COLEC11: variants seen among roughly 807,000 people sequenced by gnomAD.
COLEC11 encodes the protein collectin-11.
COLEC11 carries 20 observed loss-of-function variants against 27.3 expected under a neutral mutation model. The ratio of observed to expected loss-of-function variants is 0.73; its 90% confidence interval spans 0.51 to 1.06. The LOEUF is 1.06. COLEC11 is among the 50% of genes least tolerant of loss of function. COLEC11 has a pLI of 0.00. For synonymous variants in COLEC11, 163 were observed against 154.7 expected (o/e 1.05, Z -0.40); for missense variants, 310 against 383.0 (o/e 0.81, Z 1.59).
chr2:3,617,025 T>C (rs1663807614), intron 3 of COLEC11, among the ~76,000 whole-genome samples: 1 of 152,222 alleles, frequency 6.6e-6, no homozygotes, highest in South Asian at 2.1e-4. Flanking sequence ...AATGCTGCAG[T>C]CAGCATGAAA....
chr2:3,607,448 G>C (rs1459092774), intron 2 of COLEC11, among the ~76,000 whole-genome samples: 1 of 65,220 alleles, frequency 1.5e-5, no homozygotes, highest in Admixed American at 2.1e-4. Flanking sequence ...TTTTTTTTTT[G>C]CTTTTTTTTT....
intron 3 of COLEC11, among the ~76,000 whole-genome samples, chr2:3,636,168 G>A (rs1193146640): frequency 8.6e-5 from 13 of 151,594 alleles, no homozygotes; most frequent in South Asian, 6.3e-4. Context: ...AGTCCTTCCC[G>A]CCACCACCGC....
At chr2:3,598,637 C>T (rs774166262) in intron 1 of COLEC11, among the ~76,000 whole-genome samples, 2 of 151,722 alleles carry the variant, frequency 1.3e-5, no homozygotes, top group Admixed American at 6.5e-5. Flanking sequence ...GTTCTAATAT[C>T]CGCGTGAGCA....
chr2:3,609,678 C>T (rs13009810), intron 2 of COLEC11, among the ~76,000 whole-genome samples: 105,073 of 151,974 alleles, frequency 0.69, 36,855 homozygotes, highest in South Asian at 0.89. Context: ...TATAGGCACC[C>T]GCTACCACGC....
chr2:3,609,681 T>C (rs927781466), intron 2 of COLEC11, among the ~76,000 whole-genome samples: 4 of 152,084 alleles, frequency 2.6e-5, no homozygotes, highest in African/African-American at 9.7e-5. Context: ...AGGCACCCGC[T>C]ACCACGCCTG....
intron 1 of COLEC11, among the ~76,000 whole-genome samples, chr2:3,601,448 C>T (rs544357508): frequency 6.6e-5 from 10 of 152,238 alleles, no homozygotes; most frequent in Non-Finnish European, 8.8e-5. Context: ...ACTACAGGTG[C>T]GTGACACTAC....
chr2:3,625,179 C>G (rs1383387958), intron 3 of COLEC11, among the ~76,000 whole-genome samples: 9 of 152,252 alleles, frequency 5.9e-5, no homozygotes, highest in Admixed American at 5.9e-4. Flanking sequence ...CTCCCTCCCT[C>G]CTTTCTTCCT....
At chr2:3,598,128 G>T (rs938336480) in intron 1 of COLEC11, among the ~76,000 whole-genome samples, 1 of 152,034 alleles carries the variant, frequency 6.6e-6, no homozygotes, top group African/African-American at 2.4e-5. Context: ...TAGAGACAGG[G>T]TTTCACCATG....
At chr2:3,616,678 A>AG (rs1663767878) in intron 3 of COLEC11, among the ~76,000 whole-genome samples, 1 of 152,224 alleles carries the variant, frequency 6.6e-6, no homozygotes, top group Non-Finnish European at 1.5e-5. Flanking sequence ...AGAACCAGGC[A>AG]GGGAGGTTGC....
At chr2:3,617,260 CA>C (rs1444967649) in intron 3 of COLEC11, among the ~76,000 whole-genome samples, 2 of 151,988 alleles carry the variant, frequency 1.3e-5, no homozygotes, top group African/African-American at 4.8e-5. Flanking sequence ...TTACAGCCTG[CA>C]GGACACCTTG....
At chr2:3,623,286 C>T (rs776349336) in intron 3 of COLEC11, among the ~76,000 whole-genome samples, 13 of 152,106 alleles carry the variant, frequency 8.5e-5, no homozygotes, top group Non-Finnish European at 1.0e-4. Flanking sequence ...TGGGTTGAAC[C>T]TATTTGGAGA....
Position 3,628,544 on chromosome 2 carries a change from G to C in COLEC11, c.203-8989G>C, listed in dbSNP as rs558068272. On this transcript the variant is annotated intron_variant, in intron 3 of 6. Coordinates refer to ENST00000349077, the MANE Select transcript of COLEC11 (RefSeq NM_024027.5). The stretch of plus-strand genomic sequence containing the variant: ...CTGCACATGGGGACCTGGCTGCAGT[G>C]GGGGCTGCCCTGAACAGGCTGGCTG... Among the ~76,000 whole-genome samples the C allele has an allele frequency of 9.2e-5, 14 of 152,348 alleles. No individual in the cohort carries two copies. In the South Asian group the frequency reaches 2.1e-3, roughly 23 times the overall value.
In COLEC11 at chr2:3,644,148, C is replaced by T; in HGVS notation, c.*30C>T. ...CAGGCTGGGGCTGCCCATTGGGGGC[C>T]CCACATGTCCCTGCAGGGTTGGCAG... On this transcript the variant is annotated 3_prime_UTR_variant, in exon 7 of 7. Transcript: ENST00000349077. 6.2e-7 allele frequency: 1 copy of T among 1,602,326 alleles called. No individual in the cohort carries two copies. The highest frequency in any genetic ancestry group is 1.3e-5 in the African/African-American group (1 of 75,046).
intron 3 of COLEC11, among the ~76,000 whole-genome samples, chr2:3,635,589 G>A (rs745909648): frequency 5.3e-5 from 8 of 152,220 alleles, no homozygotes; most frequent in Non-Finnish European, 7.3e-5. Context: ...CACTGCAGTT[G>A]CTGGGCCGCT....
chr2:3,631,966 A>G (rs11123559), intron 3 of COLEC11, among the ~76,000 whole-genome samples: 82,030 of 152,038 alleles, frequency 0.54, 23,537 homozygotes, highest in Admixed American at 0.69. Flanking sequence ...GAAGTCTCAC[A>G]GGCTGGGGCC....
intron 3 of COLEC11, among the ~76,000 whole-genome samples, chr2:3,629,501 C>T (rs744578): frequency 0.094 from 14,287 of 152,218 alleles, 2,257 homozygotes; most frequent in African/African-American, 0.33. Context: ...CATGCACACA[C>T]GTGCACATAG....
At chr2:3,604,193 G>C in intron 1 of COLEC11, 122 bp from the exon 2 acceptor site, 1 of 1,050,808 alleles carries the variant, frequency 9.5e-7, no homozygotes, top group Non-Finnish European at 1.4e-6. Context: ...CCCGCCATGG[G>C]GGCCCAGACA....
Position 3,640,282 on chromosome 2 carries a change from G to A in COLEC11, c.279G>A (p.Glu93=). The A allele has an allele frequency of 6.3e-7, 1 of 1,597,602 alleles. No individual in the cohort carries two copies. The part of the protein sequence containing the change: ...GKIGPIGSKG[E]KGDSGDIGPP... ...GACCTTGTTTTTTATTTTCAGGTGA[G>A]AAAGGAGATTCCGGTGACATAGGAC... The change falls in exon 5 of 7, where the codon GAG becomes GAA. Residue 93 remains glutamate (E), a synonymous_variant. Transcript: ENST00000349077.
At position 3,604,990 on chromosome 2, in the gene COLEC11, T is replaced by C. The variant is rs1401793349; in HGVS notation, c.130+520T>C. The C allele has an allele frequency of 2.6e-5, 12 of 457,002 alleles. No homozygotes were observed. In the East Asian group the frequency reaches 6.3e-4, roughly 24 times the overall value. 28.3% of individuals were successfully genotyped at this position (457,002 alleles called of 1,614,324 possible). A position where few individuals can be genotyped will look rare whatever the true frequency, so the allele number is the denominator to read the frequency against. On this transcript the variant is annotated intron_variant, in intron 2 of 6. Coordinates refer to ENST00000349077, the MANE Select transcript of COLEC11 (RefSeq NM_024027.5). ...CTTTTTTTTTTCTTGTTGCTTTGTC[T>C]GTAATCTGCTCCCGGATAGAGATAG...
Sources: gnomAD v4.1 joint callset for allele counts (sites outside exome capture counted in the v4.1 genomes callset) on GRCh38, gnomAD v4.1.1 for gene constraint, MANE v1.5 for transcripts, NCBI Gene and HGNC (gene_info 2026-07-23, HGNC 2026-07-21) for gene names.